Variants in DGKI observed in about 807,000 individuals in gnomAD.
The protein encoded by DGKI is diacylglycerol kinase iota, also known as DAG kinase iota.
DGKI carries 55 observed loss-of-function variants against 147.5 expected under a neutral mutation model. The observed-to-expected ratio is 0.37, with a 90% CI of 0.30 to 0.47. DGKI has a LOEUF of 0.47. DGKI is among the 20% of genes least tolerant of loss of function. The pLI, the probability that DGKI is intolerant of heterozygous loss-of-function variation, is 1.00. For missense variants in DGKI, 1,007 were observed against 1,323.8 expected (o/e 0.76, Z 3.71); for synonymous variants, 469 against 477.1 (o/e 0.98, Z 0.22).
At chr7:137,839,290 C>A (rs1279354088) in intron 1 of DGKI, among the ~76,000 whole-genome samples, 2 of 152,194 alleles carry the variant, frequency 1.3e-5, no homozygotes, top group East Asian at 3.8e-4. Flanking sequence ...AGTACATATT[C>A]TATACCTTAA....
chr7:137,635,890 C>A lies in DGKI; in HGVS notation c.804+9582G>T, dbSNP rs770094761. ...TGCTTCTGGTCCCCAGAGCTCCGGGCTTTGAGGGTCTAAATCCCATGACGG... is the reference window on the plus strand; with the variant it reads ...TGCTTCTGGTCCCCAGAGCTCCGGGATTTGAGGGTCTAAATCCCATGACGG... On this transcript the variant is annotated intron_variant, in intron 6 of 32. Transcript: ENST00000614521. Among the ~76,000 whole-genome samples the A allele has an allele frequency of 2.0e-5, 3 of 152,294 alleles. No homozygotes were observed. In the South Asian group the frequency reaches 6.2e-4, roughly 32 times the overall value.
At chr7:137,666,473 G>A (rs1250672298) in intron 3 of DGKI, among the ~76,000 whole-genome samples, 4 of 152,142 alleles carry the variant, frequency 2.6e-5, no homozygotes, top group Non-Finnish European at 5.9e-5. Flanking sequence ...TCTACACCTT[G>A]GAATTCATTT....
At chr7:137,428,756 T>C (rs1218475361) in intron 28 of DGKI, among the ~76,000 whole-genome samples, 2 of 152,088 alleles carry the variant, frequency 1.3e-5, no homozygotes, top group South Asian at 4.2e-4. Context: ...TATACACCAA[T>C]GACAGACAAA....
intron 19 of DGKI, among the ~76,000 whole-genome samples, chr7:137,559,140 C>T (rs1203839752): frequency 4.2e-5 from 5 of 119,180 alleles, no homozygotes; most frequent in African/African-American, 1.0e-4. Context: ...GGCGGGATCT[C>T]GGCTCACTGC....
intron 21 of DGKI, among the ~76,000 whole-genome samples, chr7:137,502,224 G>T (rs1403684821): frequency 6.6e-6 from 1 of 152,152 alleles, no homozygotes; most frequent in African/African-American, 2.4e-5. Context: ...ATTGAGAGAA[G>T]GATCAGAGTA....
chr7:137,810,321 T>C (rs1324879395), intron 1 of DGKI, among the ~76,000 whole-genome samples: 3 of 152,124 alleles, frequency 2.0e-5, no homozygotes, highest in Non-Finnish European at 4.4e-5. Flanking sequence ...GGCTGCTATG[T>C]GACAGGCAAA....
At chr7:137,747,133 T>G (rs900991124) in intron 1 of DGKI, among the ~76,000 whole-genome samples, 1 of 152,040 alleles carries the variant, frequency 6.6e-6, no homozygotes, top group African/African-American at 2.4e-5. Flanking sequence ...CACAAGCGGG[T>G]AGGGGATTAG....
chr7:137,632,489 T>C (rs974549306), intron 6 of DGKI, among the ~76,000 whole-genome samples: 12 of 152,142 alleles, frequency 7.9e-5, no homozygotes, highest in African/African-American at 2.9e-4. Flanking sequence ...TTCTAAAGAC[T>C]AATGGACAAC....
intron 28 of DGKI, among the ~76,000 whole-genome samples, chr7:137,416,768 C>T (rs779812919): frequency 1.4e-4 from 21 of 152,134 alleles, no homozygotes; most frequent in Non-Finnish European, 3.1e-4. Flanking sequence ...CGCTCCCAAG[C>T]ATTGTTATTT....
intron 20 of DGKI, among the ~76,000 whole-genome samples, chr7:137,533,673 G>A (rs536965593): frequency 6.6e-6 from 1 of 152,290 alleles, no homozygotes; most frequent in Admixed American, 6.5e-5. Context: ...CTTAAGAGCA[G>A]TAAGGTCTAA....
At chr7:137,753,166 TTGAGTGGTC>T (rs1286960985) in intron 1 of DGKI, among the ~76,000 whole-genome samples, 2 of 152,102 alleles carry the variant, frequency 1.3e-5, no homozygotes, top group African/African-American at 2.4e-5. Flanking sequence ...AAAGTTACAC[TTGAGTGGTC>T]TGACTACAGA....
At chr7:137,701,432 C>G (rs933288119) in intron 1 of DGKI, among the ~76,000 whole-genome samples, 1 of 152,038 alleles carries the variant, frequency 6.6e-6, no homozygotes, top group African/African-American at 2.4e-5. Flanking sequence ...TTGCAAATGT[C>G]ATGATTACTT....
chr7:137,423,886 T>A (rs950022882), intron 28 of DGKI, among the ~76,000 whole-genome samples: 11 of 152,252 alleles, frequency 7.2e-5, no homozygotes, highest in African/African-American at 2.7e-4. Context: ...TTTTTTATTA[T>A]ACTTTAAGTT....
Position 137,619,892 on chromosome 7 carries a change from AG to A in DGKI, c.924del (p.Cys309AlafsTer19). 1 of 1,614,086 alleles carries A rather than the reference AG, an allele frequency of 6.2e-7. No individual in the cohort carries two copies. The highest frequency in any genetic ancestry group is 8.5e-7 in the Non-Finnish European group (1 of 1,179,980). On this transcript the variant is annotated frameshift_variant, in exon 8 of 33. Transcript: ENST00000614521. LOFTEE classifies it high-confidence loss of function. ...ACAGCAGCATGAGCCCCCAGGGAGC[AG>A]GGTTCTTCAATGTGATGCAGCATGA... ...TCFMLHHIEE[P>X]CSLGAHAAVI...
intron 27 of DGKI, among the ~76,000 whole-genome samples, chr7:137,454,323 T>A (rs1283602326): frequency 6.6e-6 from 1 of 152,218 alleles, no homozygotes; most frequent in Non-Finnish European, 1.5e-5. Context: ...ATTCCATACT[T>A]TCTGTATACC....
intron 6 of DGKI, among the ~76,000 whole-genome samples, chr7:137,638,653 T>TGTGTGTGTGTATATAC (rs1563126117): frequency 4.3e-5 from 2 of 46,302 alleles, no homozygotes; most frequent in Non-Finnish European, 7.2e-5. Flanking sequence ...TGTATGTATA[T>TGTGTGTGTGTATATAC]ACACACATAT....
At chr7:137,561,263 T>C (rs752379051) in intron 19 of DGKI, among the ~76,000 whole-genome samples, 12 of 152,174 alleles carry the variant, frequency 7.9e-5, no homozygotes, top group Admixed American at 2.6e-4. Flanking sequence ...TGAAATCTTG[T>C]GGCAACATGG....
intron 29 of DGKI, among the ~76,000 whole-genome samples, chr7:137,409,343 A>G (rs1812077551): frequency 6.6e-6 from 1 of 152,250 alleles, no homozygotes; most frequent in African/African-American, 2.4e-5. Context: ...AAATGTGAAT[A>G]CAATTCAGTC....
chr7:137,725,624 A>G (rs892783513), intron 1 of DGKI, among the ~76,000 whole-genome samples: 2 of 151,816 alleles, frequency 1.3e-5, no homozygotes, highest in African/African-American at 4.8e-5. Context: ...AGGTTGTGAT[A>G]TTTTTCTCAT....
Sources: allele counts gnomAD v4.1 joint callset (sites outside exome capture counted in the v4.1 genomes callset), GRCh38; gene constraint gnomAD v4.1.1; transcripts MANE v1.5; gene names NCBI Gene and HGNC (gene_info 2026-07-23, HGNC 2026-07-21).